SPATA9: variants seen among roughly 807,000 people sequenced by gnomAD.
SPATA9 encodes spermatogenesis associated 9.
Under a neutral mutation model 25.5 loss-of-function variants are expected in SPATA9, and 27 were observed. The ratio of observed to expected loss-of-function variants is 1.06; its 90% CI spans 0.78 to 1.46. The LOEUF is 1.46. Among genes scored for constraint, SPATA9 ranks in the 40% most tolerant of loss-of-function variants. The probability of loss-of-function intolerance (pLI) is 0.00; values close to 1 mark genes in which losing one functional copy is unlikely to be tolerated. For missense variants in SPATA9, 282 were observed against 297.5 expected (o/e 0.95, Z 0.38); for synonymous variants, 102 against 105.7 (o/e 0.97, Z 0.21).
intron 4 of SPATA9, among the ~76,000 whole-genome samples, chr5:95,663,681 C>T (rs1242022892): frequency 6.6e-6 from 1 of 151,952 alleles, no homozygotes; most frequent in Non-Finnish European, 1.5e-5. Flanking sequence ...ACAACTGTAG[C>T]TAAATAACAG....
At chr5:95,686,746 C>A (rs1362376649), upstream of SPATA9, among the ~76,000 whole-genome samples, 2 of 152,116 alleles carry the variant, frequency 1.3e-5, no homozygotes, top group African/African-American at 4.8e-5. Context: ...TCTGAAAAAT[C>A]CAATCTGGTA....
chr5:95,706,111 G>T, the SPATA9 span, among the ~76,000 whole-genome samples: 1 of 152,058 alleles, frequency 6.6e-6, no homozygotes. Context: ...AGACTGGTTT[G>T]TAACAGATCC....
the SPATA9 span, among the ~76,000 whole-genome samples, chr5:95,711,540 G>A: frequency 6.6e-6 from 1 of 152,200 alleles, no homozygotes; most frequent in South Asian, 2.1e-4. Context: ...TGGTAGTAGA[G>A]GGGCTGCTTC....
At chr5:95,697,426 C>T (rs1310738469) in intron 1 of SPATA9, among the ~76,000 whole-genome samples, 3 of 152,014 alleles carry the variant, frequency 2.0e-5, no homozygotes, top group Admixed American at 2.0e-4. Flanking sequence ...GTGAGCAGTT[C>T]AAAAGAAACA....
At chr5:95,689,254 C>A (rs1280153176) in intron 1 of SPATA9, among the ~76,000 whole-genome samples, 1 of 152,030 alleles carries the variant, frequency 6.6e-6, no homozygotes, top group Non-Finnish European at 1.5e-5. Flanking sequence ...GGAAACAGTC[C>A]ATTATTGTAT....
chr5:95,698,704 T>C (rs527773661), exon 1 of SPATA9: 1 of 152,276 alleles, frequency 6.6e-6, no homozygotes, highest in African/African-American at 2.4e-5. Flanking sequence ...CACTGTAGAC[T>C]TCCAAGCCTG....
At chr5:95,731,782 C>T in the SPATA9 span, 1 of 1,603,718 alleles carries the variant, frequency 6.2e-7, no homozygotes, top group East Asian at 2.2e-5. Context: ...GCGCTGTCCC[C>T]CGCACTTCCT....
chr5:95,699,233 T>C (rs554322300), upstream of SPATA9, among the ~76,000 whole-genome samples: 1 of 152,372 alleles, frequency 6.6e-6, no homozygotes, highest in East Asian at 1.9e-4. Flanking sequence ...GCTACTTAAA[T>C]AATGTGGCAC....
the SPATA9 span, chr5:95,731,057 G>A: frequency 4.7e-6 from 5 of 1,068,390 alleles, no homozygotes; most frequent in South Asian, 1.7e-5. Context: ...ACGGCCTTGC[G>A]AGTTGAACAA....
At position 95,675,543 on chromosome 5, in the gene SPATA9, A is replaced by G. The variant is rs1205200430; in HGVS notation, c.247T>C (p.Ser83Pro). Residue 83 changes from serine (S) to proline (P), a missense_variant, in exon 3 of 5, where the codon TCC becomes CCC. Transcript: ENST00000274432. ...TTGGCCACTGATTTGGAGGATCTGG[A>G]TATGCTGTTTAATCCACGAATTAAT... ...ATLIRGLNSISRSSKSVAKLL... is the reference protein window; with the variant it reads ...ATLIRGLNSIPRSSKSVAKLL... 6 of 1,614,042 alleles carry G rather than the reference A, an allele frequency of 3.7e-6. No individual in the cohort carries two copies. The highest frequency in any genetic ancestry group is 5.1e-6 in the Non-Finnish European group (6 of 1,180,020).
the SPATA9 span, among the ~76,000 whole-genome samples, chr5:95,715,304 CAGAG>C: frequency 6.6e-5 from 9 of 135,628 alleles, no homozygotes; most frequent in African/African-American, 1.4e-4. Flanking sequence ...AGCCTGGGGA[CAGAG>C]AGAGATTCCA....
chr5:95,709,068 G>T, the SPATA9 span, among the ~76,000 whole-genome samples: 1 of 152,128 alleles, frequency 6.6e-6, no homozygotes, highest in Non-Finnish European at 1.5e-5. Context: ...CTTCAGAGCC[G>T]TTGGCATCGT....
chr5:95,682,997 A>C (rs1442427499), upstream of SPATA9: 1 of 1,338,820 alleles, frequency 7.5e-7, no homozygotes. Context: ...TCACTGCTGG[A>C]ATTCTTTGTT....
At chr5:95,717,046 A>T in the SPATA9 span, 2 of 152,406 alleles carry the variant, frequency 1.3e-5, no homozygotes, top group Admixed American at 1.3e-4. Context: ...ACAGACTAAT[A>T]CAGCTGGGTC....
chr5:95,679,611 C>G (rs1753249205), intron 2 of SPATA9, among the ~76,000 whole-genome samples: 1 of 152,180 alleles, frequency 6.6e-6, no homozygotes, highest in Non-Finnish European at 1.5e-5. Flanking sequence ...GAGGGCCGGC[C>G]AAAGGCAGAA....
chr5:95,693,039 TTTTCA>T (rs1426342649), intron 1 of SPATA9, among the ~76,000 whole-genome samples: 1 of 152,248 alleles, frequency 6.6e-6, no homozygotes, highest in Non-Finnish European at 1.5e-5. Context: ...ACAAATTGTA[TTTTCA>T]TCAAGTTTTC....
the SPATA9 span, among the ~76,000 whole-genome samples, chr5:95,714,431 T>C: frequency 6.6e-6 from 1 of 151,896 alleles, no homozygotes; most frequent in East Asian, 1.9e-4. Context: ...AGCAGAGAAG[T>C]TGAAAAAACA....
At chr5:95,720,827 G>A in the SPATA9 span, among the ~76,000 whole-genome samples, 1 of 152,114 alleles carries the variant, frequency 6.6e-6, no homozygotes. Context: ...TTCTAGTAAC[G>A]ACTGATTATT....
At chr5:95,656,126 G>A (rs761323283), downstream of SPATA9, 6 of 1,613,770 alleles carry the variant, frequency 3.7e-6, no homozygotes, top group South Asian at 4.4e-5. Context: ...GTCTGTACCA[G>A]TCTATAAACC....
Sources: allele counts gnomAD v4.1 joint callset (sites outside exome capture counted in the v4.1 genomes callset), GRCh38; gene constraint gnomAD v4.1.1; transcripts MANE v1.5; gene names NCBI Gene and HGNC (gene_info 2026-07-23, HGNC 2026-07-21).